MYCBP2: variants seen among roughly 807,000 people sequenced by gnomAD.
The protein encoded by MYCBP2 is MYC binding protein 2.
MYCBP2 carries 120 observed loss-of-function variants against 525.3 expected under a neutral mutation model. The observed-to-expected ratio is 0.23, with a 90% CI of 0.20 to 0.27. The LOEUF is 0.27. Among genes scored for constraint, MYCBP2 ranks in the 10% least tolerant of loss-of-function variants. MYCBP2 has a pLI of 1.00. For missense variants in MYCBP2, 4,149 were observed against 5,657.1 expected (o/e 0.73, Z 8.55); for synonymous variants, 1,894 against 1,955.8 (o/e 0.97, Z 0.83).
At position 77,190,281 on chromosome 13, in the gene MYCBP2, A is replaced by G; in HGVS notation, c.4125T>C (p.Asn1375=). The change falls in exon 29 of 83, where the codon AAT becomes AAC. Residue 1375 remains asparagine, a synonymous_variant. Coordinates refer to ENST00000544440, the MANE Select transcript of MYCBP2 (RefSeq NM_015057.5). ...SKKSNNGTDV[N]AGQIPQLLYR... ...ATAATAACTGAGGTATCTGACCCGC[A>G]TTAACATCTGTACCATTATTTGATT... is the stretch of plus-strand genomic sequence containing the variant. 1 of 1,609,612 alleles carries G rather than the reference A, an allele frequency of 6.2e-7. No individual in the cohort carries two copies. The highest frequency in any genetic ancestry group is 8.5e-7 in the Non-Finnish European group (1 of 1,176,960).
intron 46 of MYCBP2, among the ~76,000 whole-genome samples, chr13:77,152,634 C>T (rs964156399): frequency 4.6e-5 from 7 of 152,166 alleles, no homozygotes; most frequent in Non-Finnish European, 7.3e-5. Flanking sequence ...TGATGAGACG[C>T]GCGGCTTAAC....
intron 4 of MYCBP2, among the ~76,000 whole-genome samples, chr13:77,278,332 T>C (rs1469922829): frequency 6.6e-6 from 1 of 152,250 alleles, no homozygotes; most frequent in African/African-American, 2.4e-5. Flanking sequence ...CAGGGATTTA[T>C]GTTTTGTTTG....
intron 52 of MYCBP2, among the ~76,000 whole-genome samples, chr13:77,137,786 C>T (rs2053987937): frequency 6.6e-6 from 1 of 152,084 alleles, no homozygotes. Context: ...GACGGGGTTT[C>T]ACCATGTTGG....
At position 77,243,965 on chromosome 13, in the gene MYCBP2, C is replaced by A. The variant is rs201118256; in HGVS notation, c.2382-14G>T. On this transcript the variant is annotated splice_polypyrimidine_tract_variant and intron_variant, in intron 15 of 82. Transcript: ENST00000544440. ...CAACCACAGATCCTAGGGGGAAATA[C>A]AAAAAAAAAAAAAAAAGACAACTGA... The A allele has an allele frequency of 5.8e-3, 6,954 of 1,189,786 alleles. 1 individual carries two copies. The highest frequency in any genetic ancestry group is 0.023 in the South Asian group (814 of 35,206). The allele number at this position is 1,189,786 out of a possible 1,614,324, so 73.7% of individuals were successfully genotyped here. A position where few individuals can be genotyped will look rare whatever the true frequency, so the allele number is the denominator to read the frequency against.
intron 26 of MYCBP2, among the ~76,000 whole-genome samples, chr13:77,201,401 G>A (rs2062530493): frequency 6.6e-6 from 1 of 151,484 alleles, no homozygotes; most frequent in East Asian, 1.9e-4. Context: ...AGCAAGTCCT[G>A]AGTGACCTAC....
At chr13:77,176,949 T>C (rs1055492171) in intron 35 of MYCBP2, among the ~76,000 whole-genome samples, 6 of 152,112 alleles carry the variant, frequency 3.9e-5, no homozygotes, top group African/African-American at 1.4e-4. Context: ...GAGATAGAGA[T>C]AGACTTGCTA....
chr13:77,187,217 G>A (rs905171638), intron 30 of MYCBP2, among the ~76,000 whole-genome samples: 4 of 152,122 alleles, frequency 2.6e-5, no homozygotes, highest in African/African-American at 9.7e-5. Flanking sequence ...GGGTTACCAA[G>A]CACAGAAAAG....
At chr13:77,285,987 G>T (rs73223441) in intron 3 of MYCBP2, among the ~76,000 whole-genome samples, 7,872 of 152,046 alleles carry the variant, frequency 0.052, 270 homozygotes, top group East Asian at 0.11. Context: ...AAAGAAAAGG[G>T]TCCCACTCTA....
intron 52 of MYCBP2, among the ~76,000 whole-genome samples, chr13:77,127,258 C>A (rs534156665): frequency 6.6e-6 from 1 of 151,954 alleles, no homozygotes; most frequent in Admixed American, 6.6e-5. Context: ...AGAAATTAAA[C>A]ATGGATTTAA....
chr13:77,142,952 T>C lies in MYCBP2; in HGVS notation c.7303+1493A>G, dbSNP rs201674123. On this transcript the variant is annotated intron_variant, in intron 49 of 82. Transcript: ENST00000544440. ...GGTGCCAAGCATTTCAGATAAAAGATACTCATCCCAAACCAGGTTTTCGAA... is the reference window on the plus strand; with the variant it reads ...GGTGCCAAGCATTTCAGATAAAAGACACTCATCCCAAACCAGGTTTTCGAA... Among the ~76,000 whole-genome samples the C allele has an allele frequency of 2.6e-5, 4 of 152,324 alleles. No homozygotes were observed. The East Asian group carries it at 5.8e-4, about 22-fold the overall frequency.
At chr13:77,073,599 A>C (rs978990672) in intron 68 of MYCBP2, among the ~76,000 whole-genome samples, 1 of 152,112 alleles carries the variant, frequency 6.6e-6, no homozygotes, top group Non-Finnish European at 1.5e-5. Flanking sequence ...AAAGGAAAAA[A>C]CCCAAATTTA....
intron 3 of MYCBP2, among the ~76,000 whole-genome samples, chr13:77,283,928 A>G (rs985889900): frequency 3.9e-5 from 6 of 152,136 alleles, no homozygotes; most frequent in African/African-American, 1.2e-4. Context: ...AATAATAAAA[A>G]TTATGTAGCT....
chr13:77,302,596 T>G (rs920941715), intron 1 of MYCBP2, among the ~76,000 whole-genome samples: 2 of 152,210 alleles, frequency 1.3e-5, no homozygotes, highest in Non-Finnish European at 2.9e-5. Flanking sequence ...CCATGAAAGC[T>G]GACATAATTC....
chr13:77,172,527 A>C (rs1302917090), intron 37 of MYCBP2, among the ~76,000 whole-genome samples: 2 of 152,168 alleles, frequency 1.3e-5, no homozygotes, highest in Non-Finnish European at 2.9e-5. Context: ...CCAATAGTGA[A>C]AGGAGGGAGA....
At chr13:77,301,448 A>C (rs9544456) in intron 1 of MYCBP2, among the ~76,000 whole-genome samples, 53,472 of 113,572 alleles carry the variant, frequency 0.47, 15,550 homozygotes, top group Non-Finnish European at 0.64. Flanking sequence ...AAAAAAAAAA[A>C]AGAGGCTGGG....
At chr13:77,303,475 A>T (rs1481901711) in intron 1 of MYCBP2, among the ~76,000 whole-genome samples, 1 of 152,246 alleles carries the variant, frequency 6.6e-6, no homozygotes, top group Non-Finnish European at 1.5e-5. Context: ...GCTGGACCAC[A>T]GACCAAGTCT....
chr13:77,240,762 T>C (rs2068697826), intron 17 of MYCBP2, among the ~76,000 whole-genome samples: 2 of 152,298 alleles, frequency 1.3e-5, no homozygotes, highest in South Asian at 4.1e-4. Context: ...GAGGACATGG[T>C]TCCAATGTGC....
At position 77,191,664 on chromosome 13, in the gene MYCBP2, T is replaced by C; in HGVS notation, c.4070+15A>G. On this transcript the variant is annotated intron_variant, in intron 28 of 82. Transcript: ENST00000544440. ...AAATAAGTATTGCTTAAGTAACACTTGGGCATTTACTTACCCATCATCTGT... is the reference window on the plus strand; with the variant it reads ...AAATAAGTATTGCTTAAGTAACACTCGGGCATTTACTTACCCATCATCTGT... 6.2e-7 allele frequency: 1 copy of C among 1,610,320 alleles called. No individual in the cohort carries two copies. Among genetic ancestry groups the C allele is most frequent in the Non-Finnish European group, 8.5e-7 (1 of 1,178,668 alleles).
chr13:77,070,858 C>T (rs2041098086), intron 68 of MYCBP2, 147 bp from the exon 69 acceptor site: 1 of 490,858 alleles, frequency 2.0e-6, no homozygotes, highest in South Asian at 4.4e-5. Context: ...GCTTATAATA[C>T]TAAGACAAAG....
Sources: gnomAD v4.1 joint callset for allele counts (sites outside exome capture counted in the v4.1 genomes callset) on GRCh38, gnomAD v4.1.1 for gene constraint, MANE v1.5 for transcripts, NCBI Gene and HGNC (gene_info 2026-07-23, HGNC 2026-07-21) for gene names.